The following TRMT11 variants were observed in gnomAD, a reference collection of about 807,000 sequenced individuals.
TRMT11 encodes tRNA methyltransferase 11, also known as tRNA (guanine(10)-N(2))-methyltransferase TRMT11.
TRMT11 carries 53 observed loss-of-function variants against 62.8 expected under a neutral mutation model. That is an observed-to-expected ratio of 0.84 (90% CI 0.68 to 1.06). The LOEUF is 1.06. Among genes scored for constraint, TRMT11 ranks in the 50% least tolerant of loss-of-function variants. TRMT11 has a pLI of 0.00. For missense variants in TRMT11, 556 were observed against 553.4 expected (o/e 1.00, Z -0.05); for synonymous variants, 188 against 190.3 (o/e 0.99, Z 0.10).
intron 1 of TRMT11, among the ~76,000 whole-genome samples, chr6:126,192,700 A>T (rs139400253): frequency 6.6e-6 from 1 of 152,204 alleles, no homozygotes; most frequent in Admixed American, 6.5e-5. Context: ...CATAATGATC[A>T]TATGTTTTTT....
At chr6:126,023,641 T>C (rs1003907304) in intron 12 of TRMT11, among the ~76,000 whole-genome samples, 1 of 152,056 alleles carries the variant, frequency 6.6e-6, no homozygotes, top group African/African-American at 2.4e-5. Flanking sequence ...AGTGAGACTC[T>C]GTCTCAAAAC....
the TRMT11 span, among the ~76,000 whole-genome samples, chr6:126,230,979 A>T: frequency 2.0e-5 from 3 of 152,172 alleles, no homozygotes; most frequent in African/African-American, 4.8e-5. Flanking sequence ...GTAAATCCAT[A>T]TTTCAAATAG....
intron 17 of TRMT11, among the ~76,000 whole-genome samples, chr6:126,059,633 A>G (rs577759048): frequency 6.6e-6 from 1 of 152,302 alleles, no homozygotes; most frequent in African/African-American, 2.4e-5. Flanking sequence ...TATTATATCA[A>G]TTTTGTAGAT....
At chr6:126,039,898 C>G (rs542177919), downstream of TRMT11, among the ~76,000 whole-genome samples, 37 of 152,098 alleles carry the variant, frequency 2.4e-4, no homozygotes, top group South Asian at 7.3e-3. Context: ...TAGTGCTGCC[C>G]AAGCAAAGAG....
chr6:125,997,007 T>C (rs999647106), intron 3 of TRMT11, among the ~76,000 whole-genome samples: 1 of 152,238 alleles, frequency 6.6e-6, no homozygotes, highest in African/African-American at 2.4e-5. Flanking sequence ...AAACTCTTTT[T>C]GAATAATTGC....
At chr6:126,092,007 C>G (rs1303432453) in intron 17 of TRMT11, among the ~76,000 whole-genome samples, 1 of 152,052 alleles carries the variant, frequency 6.6e-6, no homozygotes, top group Non-Finnish European at 1.5e-5. Flanking sequence ...GTCTACGAGT[C>G]CTAAGAAACA....
chr6:126,020,326 G>A (rs1314052967), intron 11 of TRMT11, among the ~76,000 whole-genome samples: 1 of 152,206 alleles, frequency 6.6e-6, no homozygotes, highest in Non-Finnish European at 1.5e-5. Flanking sequence ...CATGCCTAGT[G>A]AGTCCCCTCC....
At chr6:126,243,712 C>A in the TRMT11 span, among the ~76,000 whole-genome samples, 1 of 152,084 alleles carries the variant, frequency 6.6e-6, no homozygotes, top group Non-Finnish European at 1.5e-5. Flanking sequence ...CATATTCACT[C>A]ATAGGTGGGA....
At chr6:126,248,830 T>G in the TRMT11 span, among the ~76,000 whole-genome samples, 4 of 152,144 alleles carry the variant, frequency 2.6e-5, no homozygotes. Context: ...TCACAAAATA[T>G]TATTACTAAA....
chr6:126,121,595 C>A (rs932099173), intron 21 of TRMT11, among the ~76,000 whole-genome samples: 12 of 152,054 alleles, frequency 7.9e-5, no homozygotes, highest in African/African-American at 2.9e-4. Flanking sequence ...TCCTTACTTT[C>A]AAAATGTGGA....
intron 12 of TRMT11, 78 bp downstream of exon 12, chr6:126,021,358 G>C: frequency 6.6e-7 from 1 of 1,517,200 alleles, no homozygotes; most frequent in Non-Finnish European, 9.0e-7. Context: ...TCCTGTGATA[G>C]AGTTTGGAAA....
chr6:125,987,899 A>G (rs1192233975), intron 1 of TRMT11, among the ~76,000 whole-genome samples: 1 of 152,204 alleles, frequency 6.6e-6, no homozygotes, highest in East Asian at 1.9e-4. Flanking sequence ...ATGAATATGC[A>G]TAGAGTATGG....
intron 21 of TRMT11, among the ~76,000 whole-genome samples, chr6:126,161,380 C>T (rs1300698475): frequency 6.6e-6 from 1 of 152,164 alleles, no homozygotes; most frequent in Non-Finnish European, 1.5e-5. Context: ...CAGTTTCCAG[C>T]TTCATCCACG....
In TRMT11 at chr6:126,011,319, A is replaced by C. The variant is rs998340465; in HGVS notation, c.827A>C (p.Gln276Pro). Residue 276 changes from glutamine (Q) to proline (P), a missense_variant, in exon 9 of 13, where the codon CAA becomes CCA. By Grantham distance (76) the Gln-to-Pro change is moderately conservative. Transcript: ENST00000334379. ...PDENIRANLR[Q>P]YGLEKYYLDV... ...GAAAACATTAGGGCCAATCTTCGTC[A>C]ATATGGTTTAGAGAAGTATTACCTT... The C allele has an allele frequency of 5.0e-6, 8 of 1,613,398 alleles. No individual in the cohort carries two copies. Among genetic ancestry groups the C allele is most frequent in the Non-Finnish European group, 6.8e-6 (8 of 1,179,646 alleles).
At chr6:126,000,221 ACT>A (rs1350687163) in intron 7 of TRMT11, among the ~76,000 whole-genome samples, 2 of 152,014 alleles carry the variant, frequency 1.3e-5, no homozygotes, top group African/African-American at 4.8e-5. Context: ...ACTCCATCTG[ACT>A]CTGTGCAGAC....
the TRMT11 span, among the ~76,000 whole-genome samples, chr6:126,240,619 A>G: frequency 3.9e-5 from 6 of 152,080 alleles, no homozygotes; most frequent in Non-Finnish European, 7.4e-5. Context: ...GTCTGCCCCT[A>G]CTGGGGGGTG....
At position 126,147,614 on chromosome 6, in the gene TRMT11, G is replaced by C. The variant is rs560094950; in HGVS notation, c.*1824-27211G>C. Among the ~76,000 whole-genome samples the C allele has an allele frequency of 1.1e-4, 17 of 152,248 alleles. No homozygotes were observed. The South Asian group carries it at 1.5e-3, about 13-fold the overall frequency. On this transcript the variant is annotated intron_variant and NMD_transcript_variant, in intron 21 of 22. Transcript: ENST00000648977. Reference sequence around the variant, plus strand: ...CAACTGCAGTAAGTGCTACTGGAATGCTTCGTCCCTGCGGTACCTTACCTC... The same window carrying C: ...CAACTGCAGTAAGTGCTACTGGAATCCTTCGTCCCTGCGGTACCTTACCTC...
intron 21 of TRMT11, among the ~76,000 whole-genome samples, chr6:126,168,662 G>T (rs1778295665): frequency 6.6e-6 from 1 of 152,160 alleles, no homozygotes; most frequent in Non-Finnish European, 1.5e-5. Flanking sequence ...GGGATTACAG[G>T]AGTGTGCCAC....
intron 21 of TRMT11, among the ~76,000 whole-genome samples, chr6:126,141,658 G>A (rs577979304): frequency 6.6e-6 from 1 of 152,068 alleles, no homozygotes; most frequent in Non-Finnish European, 1.5e-5. Context: ...ACTTAAATCC[G>A]TTATTTTGGA....
Sources: allele counts gnomAD v4.1 joint callset (sites outside exome capture counted in the v4.1 genomes callset), GRCh38; gene constraint gnomAD v4.1.1; transcripts MANE v1.5; gene names NCBI Gene and HGNC (gene_info 2026-07-23, HGNC 2026-07-21).